The following NCKAP5 variants were observed in gnomAD, a reference collection of about 807,000 sequenced individuals.
The protein encoded by NCKAP5 is nck-associated protein 5.
A neutral mutation model predicts 167.0 loss-of-function variants in NCKAP5; 92 were observed. The observed-to-expected ratio is 0.55, with a 90% CI of 0.47 to 0.66. NCKAP5 has a LOEUF of 0.66. Ranked by LOEUF, NCKAP5 falls within the 30% of genes least tolerant of loss-of-function variation. The probability of loss-of-function intolerance (pLI) is 0.00; values close to 1 mark genes in which losing one functional copy is unlikely to be tolerated. For synonymous variants in NCKAP5, 891 were observed against 877.4 expected, an observed-to-expected ratio of 1.02 and a Z score of -0.27; for missense variants, 2,378 against 2,315.0, an observed-to-expected ratio of 1.03 and a Z score of -0.56.
intron 6 of NCKAP5, among the ~76,000 whole-genome samples, chr2:133,058,268 G>C (rs1277165606): frequency 6.6e-6 from 1 of 152,202 alleles, no homozygotes; most frequent in African/African-American, 2.4e-5. Flanking sequence ...ATGGATCAGA[G>C]TTATCTCAAC....
At position 133,467,450 on chromosome 2, in the gene NCKAP5, G is replaced by A. The variant is rs373084865; in HGVS notation, c.69+50008C>T. On this transcript the variant is annotated intron_variant, in intron 3 of 19. Coordinates refer to ENST00000409261, the MANE Select transcript of NCKAP5 (RefSeq NM_207363.3). ...AGGATTTTTGCATCAATGTTCATCAGGGATATTGGTCTAAAATTCTCTTTT... is the reference window on the plus strand; with the variant it reads ...AGGATTTTTGCATCAATGTTCATCAAGGATATTGGTCTAAAATTCTCTTTT... Among the ~76,000 whole-genome samples, 260 of 152,184 alleles carry A rather than the reference G, an allele frequency of 1.7e-3. 2 individuals are homozygous for A. The highest frequency in any genetic ancestry group is 5.3e-3 in the African/African-American group (218 of 41,508).
At chr2:132,771,839 ATTTTTTTTTTTTTT>A (rs70973406) in intron 16 of NCKAP5, among the ~76,000 whole-genome samples, 1 of 100,804 alleles carries the variant, frequency 9.9e-6, no homozygotes, top group Non-Finnish European at 1.9e-5. Context: ...CGCCCGGCTA[ATTTTTTTTTTTTTT>A]TTTTTTTTTT....
chr2:133,359,277 T>C (rs1684937063), intron 3 of NCKAP5, among the ~76,000 whole-genome samples: 1 of 152,230 alleles, frequency 6.6e-6, no homozygotes, highest in Admixed American at 6.5e-5. Context: ...TGTGCATTTC[T>C]CACGTCTTAC....
chr2:132,742,938 G>T (rs1679329133), intron 16 of NCKAP5, among the ~76,000 whole-genome samples: 1 of 151,778 alleles, frequency 6.6e-6, no homozygotes. Flanking sequence ...ATATCCCATG[G>T]CTGTCTCTAC....
intron 5 of NCKAP5, among the ~76,000 whole-genome samples, chr2:133,167,263 T>C (rs1247204232): frequency 6.6e-6 from 1 of 152,176 alleles, no homozygotes; most frequent in Non-Finnish European, 1.5e-5. Flanking sequence ...TTACTCATCT[T>C]AGTATCACTC....
intron 3 of NCKAP5, among the ~76,000 whole-genome samples, chr2:133,388,457 G>C (rs1056148624): frequency 6.6e-6 from 1 of 152,340 alleles, no homozygotes; most frequent in South Asian, 2.1e-4. Flanking sequence ...CCTACTGGGG[G>C]ATGCCTCCCA....
chr2:133,141,773 G>C (rs1270611520), intron 5 of NCKAP5, among the ~76,000 whole-genome samples: 1 of 152,118 alleles, frequency 6.6e-6, no homozygotes, highest in African/African-American at 2.4e-5. Flanking sequence ...AGAACAAGTG[G>C]GTTGGTTTTT....
intron 3 of NCKAP5, among the ~76,000 whole-genome samples, chr2:133,362,210 T>G (rs1281863193): frequency 6.6e-6 from 1 of 152,196 alleles, no homozygotes; most frequent in African/African-American, 2.4e-5. Context: ...CTATATTGCT[T>G]CCACCTTTGC....
At chr2:133,069,639 T>A (rs1023606721) in intron 6 of NCKAP5, among the ~76,000 whole-genome samples, 2 of 152,176 alleles carry the variant, frequency 1.3e-5, no homozygotes, top group African/African-American at 4.8e-5. Flanking sequence ...GATGACGGTA[T>A]CTCCGTAAAG....
intron 15 of NCKAP5, among the ~76,000 whole-genome samples, chr2:132,778,592 AAG>A (rs1227834706): frequency 6.6e-6 from 1 of 152,182 alleles, no homozygotes; most frequent in Non-Finnish European, 1.5e-5. Flanking sequence ...TATTTAGAAA[AAG>A]AGTGTGATAC....
chr2:133,250,009 T>TATTATTATTATTATC (rs1420476651), intron 4 of NCKAP5, among the ~76,000 whole-genome samples: 1 of 146,166 alleles, frequency 6.8e-6, no homozygotes, highest in Non-Finnish European at 1.5e-5. Context: ...TTATTATTAT[T>TATTATTATTATTATC]ATTATTATTA....
chr2:133,502,720 G>A (rs1396074361), intron 3 of NCKAP5, among the ~76,000 whole-genome samples: 1 of 152,180 alleles, frequency 6.6e-6, no homozygotes, highest in Non-Finnish European at 1.5e-5. Flanking sequence ...TATGACAGAA[G>A]CACTGCAGAC....
At position 132,816,990 on chromosome 2, in the gene NCKAP5, G is replaced by A. The variant is rs138945480; in HGVS notation, c.808-20261C>T. ...GCAAATGTCTATCTATAATTACTAA[G>A]TATAATTACAACTGTTATTATACTG... On this transcript the variant is annotated intron_variant, in intron 11 of 19. Coordinates refer to ENST00000409261, the MANE Select transcript of NCKAP5 (RefSeq NM_207363.3). 1.1e-4 allele frequency among the ~76,000 whole-genome samples: 17 copies of A among 152,136 alleles called. No individual in the cohort carries two copies. The East Asian group carries it at 3.3e-3, about 29-fold the overall frequency.
the NCKAP5 span, among the ~76,000 whole-genome samples, chr2:133,627,101 A>G: frequency 1.3e-5 from 2 of 152,210 alleles, no homozygotes; most frequent in Admixed American, 1.3e-4. Context: ...TATTGGCCAT[A>G]AAAATTTGAA....
intron 5 of NCKAP5, among the ~76,000 whole-genome samples, chr2:133,147,544 T>C (rs1056698913): frequency 1.3e-5 from 2 of 152,118 alleles, no homozygotes; most frequent in African/African-American, 4.8e-5. Context: ...AAGAGACTAA[T>C]AAATTAGAGG....
At chr2:133,144,338 A>G (rs977136040) in intron 5 of NCKAP5, among the ~76,000 whole-genome samples, 2 of 152,100 alleles carry the variant, frequency 1.3e-5, no homozygotes, top group Admixed American at 6.6e-5. Flanking sequence ...AAACTATTAC[A>G]AAAATAGGTA....
chr2:133,324,056 C>T (rs182632191), intron 3 of NCKAP5, among the ~76,000 whole-genome samples: 1 of 152,314 alleles, frequency 6.6e-6, no homozygotes, highest in Admixed American at 6.5e-5. Flanking sequence ...CTAAAAATAC[C>T]TGCCTTCACG....
chr2:132,839,462 G>A (rs1470251466), intron 11 of NCKAP5, among the ~76,000 whole-genome samples: 4 of 152,098 alleles, frequency 2.6e-5, no homozygotes, highest in African/African-American at 4.8e-5. Flanking sequence ...GTTTTTAGCA[G>A]TCAAAAATGT....
At chr2:133,330,975 T>C (rs148762284) in intron 3 of NCKAP5, among the ~76,000 whole-genome samples, 1 of 152,282 alleles carries the variant, frequency 6.6e-6, no homozygotes, top group Non-Finnish European at 1.5e-5. Flanking sequence ...CAGACATACA[T>C]GCACACACAC....
Sources: gnomAD v4.1 joint callset for allele counts (sites outside exome capture counted in the v4.1 genomes callset) on GRCh38, gnomAD v4.1.1 for gene constraint, MANE v1.5 for transcripts, NCBI Gene and HGNC (gene_info 2026-07-23, HGNC 2026-07-21) for gene names.